The following ELAVL4 variants were observed in gnomAD, a reference collection of about 807,000 sequenced individuals.
The protein encoded by ELAVL4 is ELAV like RNA binding protein 4, also known as ELAV-like protein 4.
ELAVL4 carries 1 observed loss-of-function variant against 35.6 expected under a neutral mutation model. That is an observed-to-expected ratio of 0.03 (90% CI 0.01 to 0.13). The LOEUF (loss-of-function observed/expected upper bound fraction) is 0.13. Among genes scored for constraint, ELAVL4 ranks in the 10% least tolerant of loss-of-function variants. The pLI, the probability that ELAVL4 is intolerant of heterozygous loss-of-function variation, is 1.00. For missense variants in ELAVL4, 267 were observed against 464.9 expected, an observed-to-expected ratio of 0.57 and a Z score of 3.91; for synonymous variants, 156 against 171.0, an observed-to-expected ratio of 0.91 and a Z score of 0.69.
chr1:50,145,794 T>C (rs989304408), intron 2 of ELAVL4, among the ~76,000 whole-genome samples: 1 of 152,238 alleles, frequency 6.6e-6, no homozygotes, highest in African/African-American at 2.4e-5. Context: ...GTTTTGAAGA[T>C]ACTCTTTGAG....
Position 50,109,016 on chromosome 1 carries a change from C to CGGCCG in ELAVL4, c.-174_-173insGGCCG. 3.3e-6 allele frequency: 3 copies of CGGCCG among 905,758 alleles called. No individual in the cohort carries two copies. Among genetic ancestry groups the CGGCCG allele is most frequent in the Non-Finnish European group, 2.6e-6 (2 of 761,374 alleles). 56.1% of individuals were successfully genotyped at this position (905,758 alleles called of 1,614,324 possible). On this transcript the variant is annotated 5_prime_UTR_variant, in exon 1 of 7. Transcript: ENST00000371824. The stretch of plus-strand genomic sequence containing the variant: ...CTCCTTTTCTTTTTTTTCTTTCTCT[C>CGGCCG]CCCCGCCCACCCCCCCAAAAATAAT...
In ELAVL4 at chr1:50,195,923, C is replaced by T. The variant is rs574713150; in HGVS notation, c.734+137C>T. 2.3e-5 allele frequency: 22 copies of T among 975,374 alleles called. No individual in the cohort carries two copies. In the Middle Eastern group the frequency reaches 9.5e-4, roughly 42 times the overall value. The allele number at this position is 975,374 out of a possible 1,614,324, so 60.4% of individuals were successfully genotyped here. A position where few individuals can be genotyped will look rare whatever the true frequency, so the allele number is the denominator to read the frequency against. ...AGGAATCACTGTGCAAAACTCCCCCCGAGCCTCAGTTTCCATTCCTGTAAA... is the reference window on the plus strand; with the variant it reads ...AGGAATCACTGTGCAAAACTCCCCCTGAGCCTCAGTTTCCATTCCTGTAAA... On this transcript the variant is annotated intron_variant, in intron 5 of 6. Transcript: ENST00000371824.
intron 1 of ELAVL4, among the ~76,000 whole-genome samples, chr1:50,140,233 A>AT (rs35210712): frequency 6.6e-6 from 1 of 152,238 alleles, no homozygotes; most frequent in Non-Finnish European, 1.5e-5. Flanking sequence ...ATTAAAGTAC[A>AT]TATGCACACT....
intron 4 of ELAVL4, among the ~76,000 whole-genome samples, chr1:50,194,792 G>A (rs1297353996): frequency 6.6e-6 from 1 of 152,198 alleles, no homozygotes; most frequent in Non-Finnish European, 1.5e-5. Context: ...CATTGAGGAG[G>A]CAATGTTTGA....
chr1:50,120,933 A>T (rs1172944676), intron 1 of ELAVL4, among the ~76,000 whole-genome samples: 1 of 152,010 alleles, frequency 6.6e-6, no homozygotes. Flanking sequence ...CAGTATAAAA[A>T]TGTACCCACT....
chr1:50,065,357 A>T (rs1028019545), intron 1 of ELAVL4, among the ~76,000 whole-genome samples: 4 of 152,182 alleles, frequency 2.6e-5, no homozygotes, highest in African/African-American at 9.6e-5. Flanking sequence ...TAAGGAAAAG[A>T]TGCTCTTTCT....
At chr1:50,156,528 G>T (rs1410156518) in intron 2 of ELAVL4, among the ~76,000 whole-genome samples, 1 of 152,204 alleles carries the variant, frequency 6.6e-6, no homozygotes, top group Non-Finnish European at 1.5e-5. Flanking sequence ...CAAGTAGGAA[G>T]TAGGAGATGG....
chr1:50,130,660 A>G (rs1192729224), intron 1 of ELAVL4, among the ~76,000 whole-genome samples: 1 of 152,130 alleles, frequency 6.6e-6, no homozygotes, highest in Non-Finnish European at 1.5e-5. Context: ...ATGACATTAG[A>G]CAGTAATTTC....
At chr1:50,155,470 G>C (rs1277967981) in intron 2 of ELAVL4, among the ~76,000 whole-genome samples, 1 of 151,966 alleles carries the variant, frequency 6.6e-6, no homozygotes, top group East Asian at 1.9e-4. Flanking sequence ...TTCTTGCCTG[G>C]GTCCATTTTG....
intron 1 of ELAVL4, among the ~76,000 whole-genome samples, chr1:50,058,582 A>G (rs1470340708): frequency 6.7e-6 from 1 of 150,330 alleles, no homozygotes; most frequent in African/African-American, 2.4e-5. Flanking sequence ...GTAAAAATGG[A>G]CCTCCGCATT....
At chr1:50,149,025 C>A (rs1441227867) in intron 2 of ELAVL4, among the ~76,000 whole-genome samples, 2 of 151,938 alleles carry the variant, frequency 1.3e-5, no homozygotes, top group African/African-American at 2.4e-5. Context: ...TATTTCTTTG[C>A]CTTTTTTGCA....
chr1:50,109,756 AAG>A, intron 1 of ELAVL4: 1 of 657,104 alleles, frequency 1.5e-6, no homozygotes, highest in East Asian at 2.8e-5. Context: ...TTGTATTTCA[AAG>A]AGTTTCCTGT....
intron 2 of ELAVL4, among the ~76,000 whole-genome samples, chr1:50,165,044 G>A (rs757594675): frequency 6.6e-6 from 1 of 152,228 alleles, no homozygotes; most frequent in East Asian, 1.9e-4. Context: ...GAGAATGTTC[G>A]CCTGATCTGC....
chr1:50,197,567 A>T, intron 6 of ELAVL4, 100 bp downstream of exon 6: 3 of 1,123,814 alleles, frequency 2.7e-6, no homozygotes, highest in Non-Finnish European at 3.6e-6. Context: ...AAAGAAAAAA[A>T]TTCTTCCTTT....
chr1:50,139,266 C>T (rs1271202736), intron 1 of ELAVL4, among the ~76,000 whole-genome samples: 1 of 152,194 alleles, frequency 6.6e-6, no homozygotes, highest in Non-Finnish European at 1.5e-5. Context: ...CTTTATTCTA[C>T]ATTCAGGAGA....
chr1:50,199,162 T>C (rs1242716046), intron 6 of ELAVL4, among the ~76,000 whole-genome samples: 1 of 152,264 alleles, frequency 6.6e-6, no homozygotes, highest in Non-Finnish European at 1.5e-5. Flanking sequence ...TAGTGAATAA[T>C]AGCAAAAATA....
At chr1:50,140,840 G>A (rs1557768204) in intron 1 of ELAVL4, among the ~76,000 whole-genome samples, 2 of 152,176 alleles carry the variant, frequency 1.3e-5, no homozygotes, top group Admixed American at 6.6e-5. Context: ...TACATTGGAT[G>A]AGAATGACTT....
chr1:50,103,166 A>G (rs1322198544), upstream of ELAVL4, among the ~76,000 whole-genome samples: 1 of 152,234 alleles, frequency 6.6e-6, no homozygotes, highest in Admixed American at 6.5e-5. Context: ...TGCACAGGTG[A>G]ACTCTTGGCG....
chr1:50,114,458 TA>T (rs1019557993), intron 1 of ELAVL4, among the ~76,000 whole-genome samples: 53 of 145,714 alleles, frequency 3.6e-4, no homozygotes, highest in African/African-American at 7.0e-4. Flanking sequence ...TTTCTAAGGG[TA>T]AAAAAAAAAG....
Sources: gnomAD v4.1 joint callset for allele counts (sites outside exome capture counted in the v4.1 genomes callset) on GRCh38, gnomAD v4.1.1 for gene constraint, MANE v1.5 for transcripts, NCBI Gene and HGNC (gene_info 2026-07-23, HGNC 2026-07-21) for gene names.